Variants in SEMA6A observed in about 807,000 individuals in gnomAD.
SEMA6A encodes semaphorin 6A, also known as semaphorin-6A.
In SEMA6A, 25 loss-of-function variants were observed where a neutral mutation model predicts 96.8. The observed-to-expected ratio is 0.26, with a 90% CI of 0.19 to 0.36. The LOEUF (loss-of-function observed/expected upper bound fraction) is 0.36, where lower values mean the gene tolerates loss of function less well. SEMA6A is among the 10% of genes least tolerant of loss of function. The pLI, the probability that SEMA6A is intolerant of heterozygous loss-of-function variation, is 1.00. For missense variants in SEMA6A, 1,363 were observed against 1,323.1 expected, an observed-to-expected ratio of 1.03 and a Z score of -0.47; for synonymous variants, 612 against 518.0, an observed-to-expected ratio of 1.18 and a Z score of -2.46.
intron 1 of SEMA6A, among the ~76,000 whole-genome samples, chr5:116,532,734 GT>G (rs1759539618): frequency 1.3e-5 from 2 of 151,750 alleles, no homozygotes; most frequent in African/African-American, 4.8e-5. Flanking sequence ...CAATGAATCA[GT>G]AAAGACTTAT....
intron 6 of SEMA6A, among the ~76,000 whole-genome samples, chr5:116,494,365 AAATT>A (rs140132422): frequency 0.011 from 1,650 of 152,308 alleles, 52 homozygotes; most frequent in East Asian, 0.055. Flanking sequence ...TGCTTTACAA[AAATT>A]AATTAAACGC....
chr5:116,486,608 A>G lies in SEMA6A; in HGVS notation c.962+141T>C, dbSNP rs796971573. On this transcript the variant is annotated intron_variant, in intron 10 of 18. Coordinates refer to ENST00000343348, the MANE Select transcript of SEMA6A (RefSeq NM_020796.5). The stretch of plus-strand genomic sequence containing the variant: ...AACTACTTTTAATTTGTTGATGAAA[A>G]CTAAGTGTTAAGTGCTTCTTAGCTA... 59 of 658,004 alleles carry G rather than the reference A, an allele frequency of 9.0e-5. No homozygotes were observed. In the African/African-American group the frequency reaches 9.4e-4, roughly 11 times the overall value. 40.8% of individuals were successfully genotyped at this position (658,004 alleles called of 1,614,324 possible). A position where few individuals can be genotyped will look rare whatever the true frequency, so the allele number is the denominator to read the frequency against.
intron 18 of SEMA6A, among the ~76,000 whole-genome samples, chr5:116,455,973 G>A (rs3733725): frequency 0.16 from 23,661 of 152,148 alleles, 1,971 homozygotes; most frequent in East Asian, 0.2. Flanking sequence ...TGCAGAAAAC[G>A]TGTTAATGCT....
chr5:116,482,467 A>G lies in SEMA6A; in HGVS notation c.1071T>C (p.Pro357=). 1.2e-6 allele frequency: 2 copies of G among 1,613,460 alleles called. No individual in the cohort carries two copies. Among genetic ancestry groups the G allele is most frequent in the Non-Finnish European group, 1.7e-6 (2 of 1,179,584 alleles). ...KSPDSTWTPV[P]DERVPKPRPG... ...ACCTGGGCTTAGGAACTCGTTCATC[A>G]GGAACTGGTGTCCAGGTGGAATCAG... Residue 357 remains proline (P), a synonymous_variant, in exon 11 of 19, where the codon CCT becomes CCC. Coordinates refer to ENST00000343348, the MANE Select transcript of SEMA6A (RefSeq NM_020796.5).
chr5:116,565,346 C>A (rs1760982389), intron 1 of SEMA6A, among the ~76,000 whole-genome samples: 1 of 152,154 alleles, frequency 6.6e-6, no homozygotes, highest in African/African-American at 2.4e-5. Flanking sequence ...TATCTCAAAC[C>A]TTTCCCAAGA....
At chr5:116,477,697 G>A (rs2112684858) in intron 15 of SEMA6A, 149 bp downstream of exon 15, 2 of 724,146 alleles carry the variant, frequency 2.8e-6, no homozygotes, top group Middle Eastern at 8.0e-4. Flanking sequence ...CTATGAAATG[G>A]GAAAGGGTAG....
At chr5:116,466,197 C>T (rs2112643834) in intron 18 of SEMA6A, among the ~76,000 whole-genome samples, 1 of 147,704 alleles carries the variant, frequency 6.8e-6, no homozygotes, top group East Asian at 1.9e-4. Flanking sequence ...ATGGCAAAAC[C>T]CTGTCACTAC....
At chr5:116,573,362 C>G (rs1400145830) in intron 1 of SEMA6A, among the ~76,000 whole-genome samples, 1 of 151,872 alleles carries the variant, frequency 6.6e-6, no homozygotes, top group Non-Finnish European at 1.5e-5. Flanking sequence ...GTACCGTGCG[C>G]CAGCCCGGTG....
At chr5:116,458,748 C>A (rs1755175301) in intron 18 of SEMA6A, among the ~76,000 whole-genome samples, 1 of 151,906 alleles carries the variant, frequency 6.6e-6, no homozygotes, top group Non-Finnish European at 1.5e-5. Context: ...TTCCTGCTAC[C>A]CTTTCCACAA....
intron 8 of SEMA6A, 33 bp downstream of exon 8, chr5:116,488,855 C>T (rs1160735889): frequency 3.2e-6 from 5 of 1,539,710 alleles, no homozygotes; most frequent in Non-Finnish European, 4.4e-6. Context: ...TTCCCCTCCC[C>T]TCCGACCCTC....
intron 1 of SEMA6A, among the ~76,000 whole-genome samples, chr5:116,540,451 T>G (rs1339837121): frequency 6.6e-6 from 1 of 152,226 alleles, no homozygotes; most frequent in African/African-American, 2.4e-5. Context: ...TCACAAAAGA[T>G]CCCTTGATTT....
intron 2 of SEMA6A, chr5:116,502,575 A>G (rs1366408069): frequency 2.3e-6 from 1 of 428,196 alleles, no homozygotes; most frequent in Non-Finnish European, 4.2e-6. Context: ...AAGTGTCACA[A>G]TTTTTGATTT....
chr5:116,566,421 T>C lies in SEMA6A; in HGVS notation c.-39+7764A>G, dbSNP rs148050429. Among the ~76,000 whole-genome samples the C allele has an allele frequency of 5.4e-3, 816 of 152,358 alleles. 8 individuals carry two copies. Among genetic ancestry groups the C allele is most frequent in the South Asian group, 0.019 (92 of 4,834 alleles). On this transcript the variant is annotated intron_variant, in intron 1 of 18. Coordinates refer to ENST00000343348, the MANE Select transcript of SEMA6A (RefSeq NM_020796.5). ...ATGAGGAAGTATCTATTACTAACAA[T>C]GCTTTCTAAGCAAAAGTCACCATAC...
At chr5:116,513,226 C>A (rs896910023) in intron 1 of SEMA6A, among the ~76,000 whole-genome samples, 3 of 152,052 alleles carry the variant, frequency 2.0e-5, no homozygotes, top group African/African-American at 7.2e-5. Context: ...CTCCCAGGTT[C>A]AAGTGATTCT....
rs138327416 is a variant in SEMA6A, at chr5:116,510,431, C to G, written c.-38-5449G>C. 8.6e-3 allele frequency among the ~76,000 whole-genome samples: 1,302 copies of G among 152,218 alleles called. 20 individuals are homozygous for G. Among genetic ancestry groups the G allele is most frequent in the African/African-American group, 0.03 (1,261 of 41,540 alleles). ...AGCAGAAAAGAGCAGGGGGTGAAAC[C>G]TGGGCTTTGAAACCCTCTGCCCCCT... On this transcript the variant is annotated intron_variant, in intron 1 of 18. Transcript: ENST00000343348.
chr5:116,486,773 G>A lies in SEMA6A; in HGVS notation c.938C>T (p.Ala313Val). 6.2e-7 allele frequency: 1 copy of A among 1,613,758 alleles called. No individual in the cohort carries two copies. The highest frequency in any genetic ancestry group is 8.5e-7 in the Non-Finnish European group (1 of 1,179,728). Residue 313 changes from alanine to valine, a missense_variant, in exon 10 of 19, where the codon GCA becomes GTA. Around this residue, in one of 2 missense-constraint regions of SEMA6A, gnomAD observed 480 missense variants for 559.5 expected, o/e 0.86. Coordinates refer to ENST00000343348, the MANE Select transcript of SEMA6A (RefSeq NM_020796.5). ...CCTGTTATAAGGTGTAGAAAACGTT[G>A]CCAGGACAACATCACGCCCGTTGAT... ...IRINGRDVVL[A>V]TFSTPYNSIP...
intron 1 of SEMA6A, chr5:116,562,459 GT>G: frequency 2.8e-6 from 1 of 355,542 alleles, no homozygotes; most frequent in Non-Finnish European, 5.4e-6. Context: ...CCTAATTCAG[GT>G]TTTTGATATT....
At chr5:116,531,162 G>C (rs973838193) in intron 1 of SEMA6A, among the ~76,000 whole-genome samples, 6 of 152,066 alleles carry the variant, frequency 3.9e-5, no homozygotes, top group African/African-American at 1.4e-4. Context: ...CTATGTGCAG[G>C]GCACTATACT....
chr5:116,455,095 A>G (rs539251492), intron 18 of SEMA6A, among the ~76,000 whole-genome samples: 364 of 152,318 alleles, frequency 2.4e-3, no homozygotes, highest in Non-Finnish European at 4.1e-3. Flanking sequence ...TCACAGGGAT[A>G]GAAGGGAGAA....
Sources: allele counts gnomAD v4.1 joint callset (sites outside exome capture counted in the v4.1 genomes callset), GRCh38; gene constraint gnomAD v4.1.1; regional missense constraint gnomAD v4.1.1; transcripts MANE v1.5; gene names NCBI Gene and HGNC (gene_info 2026-07-23, HGNC 2026-07-21).